PDPK1: variants seen among roughly 807,000 people sequenced by gnomAD.
PDPK1 encodes 3-phosphoinositide-dependent protein kinase 1.
PDPK1 carries 7 observed loss-of-function variants against 39.8 expected under a neutral mutation model. The observed-to-expected ratio is 0.18, with a 90% CI of 0.10 to 0.33. The LOEUF is 0.33. Among genes scored for constraint, PDPK1 ranks in the 10% least tolerant of loss-of-function variants. The pLI is 1.00. For missense variants in PDPK1, 182 were observed against 384.7 expected (o/e 0.47, Z 4.41); for synonymous variants, 118 against 159.1 (o/e 0.74, Z 1.95).
chr16:2,596,156 T>C (rs532861116), intron 12 of PDPK1, among the ~76,000 whole-genome samples: 10 of 152,364 alleles, frequency 6.6e-5, no homozygotes, highest in African/African-American at 2.4e-4. Context: ...TGGTCTAATA[T>C]TTCTTTAGAA....
At position 2,603,049 on chromosome 16, in the gene PDPK1, T is replaced by G. The variant is rs1256088490; in HGVS notation, c.*5282T>G. 1 of 229,394 alleles carries G rather than the reference T, an allele frequency of 4.4e-6. No individual in the cohort carries two copies. Among genetic ancestry groups the G allele is most frequent in the Non-Finnish European group, 8.7e-6 (1 of 115,596 alleles). The allele number at this position is 229,394 out of a possible 1,614,324, so 14.2% of individuals were successfully genotyped here. ...TTTATTATATAAATTTTCTATTGGG[T>G]CAGTGATTTAATCATATAATTTAAT... On this transcript the variant is annotated 3_prime_UTR_variant, in exon 14 of 14. Coordinates refer to ENST00000342085, the MANE Select transcript of PDPK1 (RefSeq NM_002613.5).
In PDPK1 at chr16:2,595,262, GA is replaced by G. The variant is rs531018206; in HGVS notation, c.1344-526del. Reference sequence around the variant, plus strand: ...TGAATAAAAGTGTTTTACTATGATGGAAAAACCAGAGGAGATGTTCTTACGT... The same window carrying G: ...TGAATAAAAGTGTTTTACTATGATGGAAAACCAGAGGAGATGTTCTTACGT... On this transcript the variant is annotated intron_variant, in intron 11 of 13. Coordinates refer to ENST00000342085, the MANE Select transcript of PDPK1 (RefSeq NM_002613.5). 5.0e-4 allele frequency among the ~76,000 whole-genome samples: 76 copies of G among 152,308 alleles called. 2 individuals carry two copies. The South Asian group carries it at 0.015, about 31-fold the overall frequency.
Position 2,585,622 on chromosome 16 carries a change from C to T in PDPK1, c.1126-1054C>T, listed in dbSNP as rs1404463647. On this transcript the variant is annotated intron_variant, in intron 10 of 13. Coordinates refer to ENST00000342085, the MANE Select transcript of PDPK1 (RefSeq NM_002613.5). ...TTGGGCAGTGTTGGAGACAAGCAGGCTGGGCAGGCCCACACCCCGTGGAGG... is the reference window on the plus strand; with the variant it reads ...TTGGGCAGTGTTGGAGACAAGCAGGTTGGGCAGGCCCACACCCCGTGGAGG... 4.6e-5 allele frequency among the ~76,000 whole-genome samples: 7 copies of T among 152,234 alleles called. No individual in the cohort carries two copies. The East Asian group carries it at 1.3e-3, about 29-fold the overall frequency.
chr16:2,551,659 C>CTTTTTTTT (rs1174322765), intron 1 of PDPK1, among the ~76,000 whole-genome samples: 2 of 132,944 alleles, frequency 1.5e-5, no homozygotes, highest in African/African-American at 2.8e-5. Flanking sequence ...TGATTTCCAT[C>CTTTTTTTT]TTTTTTTTTT....
At position 2,597,852 on chromosome 16, in the gene PDPK1, C is replaced by A; in HGVS notation, c.*85C>A. The A allele has an allele frequency of 1.2e-6, 1 of 810,734 alleles. No individual in the cohort carries two copies. Among genetic ancestry groups the A allele is most frequent in the Non-Finnish European group, 2.1e-6 (1 of 482,312 alleles). The allele number at this position is 810,734 out of a possible 1,614,324, so 50.2% of individuals were successfully genotyped here. The stretch of plus-strand genomic sequence containing the variant: ...CGCCATCCGGGACGCTTCCAGACCA[C>A]CTGCCAGCCATCACAAGGGGAACGC... On this transcript the variant is annotated 3_prime_UTR_variant, in exon 14 of 14. Coordinates refer to ENST00000342085, the MANE Select transcript of PDPK1 (RefSeq NM_002613.5). The surrounding 1 kb of genome is among the most constrained non-coding windows in gnomAD (Gnocchi z 6.3).
At chr16:2,590,676 C>CTGCCTGTA (rs1677616456) in intron 11 of PDPK1, among the ~76,000 whole-genome samples, 1 of 152,238 alleles carries the variant, frequency 6.6e-6, no homozygotes, top group Admixed American at 6.5e-5. Flanking sequence ...AGGAAAACAA[C>CTGCCTGTA]TGCCTGTATT....
intron 1 of PDPK1, among the ~76,000 whole-genome samples, chr16:2,542,006 C>T (rs1438119547): frequency 6.6e-6 from 1 of 151,836 alleles, no homozygotes; most frequent in African/African-American, 2.4e-5. Flanking sequence ...GTTGGTTGCA[C>T]AAAGTCCGTT....
At position 2,540,612 on chromosome 16, in the gene PDPK1, C is replaced by T. The variant is rs182810390; in HGVS notation, c.24+2476C>T. Among the ~76,000 whole-genome samples, 446 of 152,242 alleles carry T rather than the reference C, an allele frequency of 2.9e-3. 3 individuals carry two copies. Among genetic ancestry groups the T allele is most frequent in the African/African-American group, 0.01 (424 of 41,530 alleles). On this transcript the variant is annotated intron_variant, in intron 1 of 13. Coordinates refer to ENST00000342085, the MANE Select transcript of PDPK1 (RefSeq NM_002613.5). ...TTGGGCCTGAATGTCTTGACCATGCCGTGCTGGAGGTAGGAGGGGTGTCTT... is the reference window on the plus strand; with the variant it reads ...TTGGGCCTGAATGTCTTGACCATGCTGTGCTGGAGGTAGGAGGGGTGTCTT...
intron 11 of PDPK1, among the ~76,000 whole-genome samples, chr16:2,590,994 A>G (rs1045334812): frequency 1.4e-5 from 2 of 143,318 alleles, no homozygotes; most frequent in Non-Finnish European, 3.0e-5. Context: ...ACGGAGTCTC[A>G]TTCTGTCGCC....
chr16:2,556,943 C>CTT lies in PDPK1; in HGVS notation c.25-758_25-757dup, dbSNP rs1254872292. The CTT allele has an allele frequency of 4.1e-5, 5 of 121,204 alleles. No homozygotes were observed. The East Asian group carries it at 9.9e-4, about 24-fold the overall frequency. 7.5% of individuals were successfully genotyped at this position (121,204 alleles called of 1,614,324 possible). ...ATGGAATCAAGAGCTCTCCGGGGTT[C>CTT]TTTGAGTGGGGAGTTGTATCGGAAA... On this transcript the variant is annotated intron_variant, in intron 1 of 13. Transcript: ENST00000342085.
rs2142017185 is a variant in PDPK1 at position 2,600,242 on chromosome 16, G to T, written c.*2475G>T. The T allele has an allele frequency of 4.3e-6, 1 of 233,468 alleles. No individual in the cohort carries two copies. Among genetic ancestry groups the T allele is most frequent in the Admixed American group, 5.6e-5 (1 of 17,810 alleles). 14.5% of individuals were successfully genotyped at this position (233,468 alleles called of 1,614,324 possible). ...CACTTACGTGGAATTACAGTTGTGG[G>T]TTTATCCAAGATGAGGAAGATTTCA... On this transcript the variant is annotated 3_prime_UTR_variant, in exon 14 of 14. Transcript: ENST00000342085.
rs1318107489 is a variant in PDPK1, at chr16:2,553,183, G to GA, written c.25-4511dup. Among the ~76,000 whole-genome samples, 6 of 128,654 alleles carry GA rather than the reference G, an allele frequency of 4.7e-5. 1 individual carries two copies. The highest frequency in any genetic ancestry group is 2.4e-4 in the South Asian group (1 of 4,236). The allele number at this position is 128,654 out of a possible 152,430, so 84.4% of individuals were successfully genotyped here. ...AGCTTTTTTTTTTAAAAAAAAAAAA[G>GA]AAAAAAAAAGAAAAGAGAGCCTTGC... On this transcript the variant is annotated intron_variant, in intron 1 of 13. Transcript: ENST00000342085.
rs2142013113 is a variant in PDPK1 at position 2,598,516 on chromosome 16, T to C, written c.*749T>C. ...CCCTTATCCTACTTAGCAGTGTTGG[T>C]CTCTGGGGCTGGAAGCCGAGCGCAT... On this transcript the variant is annotated 3_prime_UTR_variant, in exon 14 of 14. Coordinates refer to ENST00000342085, the MANE Select transcript of PDPK1 (RefSeq NM_002613.5). 1 of 233,582 alleles carries C rather than the reference T, an allele frequency of 4.3e-6. No homozygotes were observed. The highest frequency in any genetic ancestry group is 2.2e-5 in the African/African-American group (1 of 45,440). 14.5% of individuals were successfully genotyped at this position (233,582 alleles called of 1,614,324 possible). A position where few individuals can be genotyped will look rare whatever the true frequency, so the allele number is the denominator to read the frequency against.
Position 2,593,542 on chromosome 16 carries a change from G to C in PDPK1, c.1344-2251G>C, listed in dbSNP as rs1226014203. 1.1e-5 allele frequency: 2 copies of C among 175,570 alleles called. No homozygotes were observed. The highest frequency in any genetic ancestry group is 1.2e-5 in the Non-Finnish European group (1 of 83,200). 10.9% of individuals were successfully genotyped at this position (175,570 alleles called of 1,614,324 possible). ...TGTTCTTCTGGTTTTTCTCTCCTTC[G>C]AGTTGGTATTTTAAACCATGCATCT... On this transcript the variant is annotated intron_variant, in intron 11 of 13. Coordinates refer to ENST00000342085, the MANE Select transcript of PDPK1 (RefSeq NM_002613.5). The surrounding 1 kb of genome is among the most constrained non-coding windows in gnomAD (Gnocchi z 4.2).
intron 12 of PDPK1, among the ~76,000 whole-genome samples, chr16:2,596,275 T>C (rs1421171741): frequency 6.6e-6 from 1 of 152,210 alleles, no homozygotes; most frequent in Non-Finnish European, 1.5e-5. Context: ...CACTGCAAGC[T>C]CCGCCTCCCA....
At chr16:2,540,596 A>C (rs1416238352) in intron 1 of PDPK1, among the ~76,000 whole-genome samples, 1 of 152,108 alleles carries the variant, frequency 6.6e-6, no homozygotes, top group African/African-American at 2.4e-5. Flanking sequence ...ATTGGGCCTG[A>C]ATGTCTTGAC....
chr16:2,544,757 T>C (rs541935975), intron 1 of PDPK1, among the ~76,000 whole-genome samples: 5 of 151,942 alleles, frequency 3.3e-5, no homozygotes, highest in African/African-American at 1.2e-4. Flanking sequence ...CTAATTTTTT[T>C]GTATTTTTAG....
intron 10 of PDPK1, 26 bp from the exon 11 acceptor site, chr16:2,586,650 T>C: frequency 1.3e-6 from 2 of 1,593,954 alleles, no homozygotes; most frequent in Non-Finnish European, 8.6e-7. Context: ...GAAGGTGCGG[T>C]TCTCACTTTC....
chr16:2,588,383 C>G (rs565630180), intron 11 of PDPK1, among the ~76,000 whole-genome samples: 10 of 152,286 alleles, frequency 6.6e-5, no homozygotes, highest in African/African-American at 2.4e-4. Flanking sequence ...TTCCCGGGCT[C>G]GTGTGTGCTG....
Sources: gnomAD v4.1 joint callset for allele counts (sites outside exome capture counted in the v4.1 genomes callset) on GRCh38, gnomAD v4.1.1 for gene constraint, Gnocchi (gnomAD v3.1) non-coding constraint, MANE v1.5 for transcripts, NCBI Gene and HGNC (gene_info 2026-07-23, HGNC 2026-07-21) for gene names.